The following ERBB4 variants were observed in gnomAD, a reference collection of about 807,000 sequenced individuals.
ERBB4 encodes receptor tyrosine-protein kinase erbB-4.
A neutral mutation model predicts 158.0 loss-of-function variants in ERBB4; 42 were observed. The ratio of observed to expected loss-of-function variants is 0.27; its 90% CI spans 0.21 to 0.34. The LOEUF (loss-of-function observed/expected upper bound fraction) is 0.34. ERBB4 is among the 10% of genes least tolerant of loss of function. The pLI, the probability that ERBB4 is intolerant of heterozygous loss-of-function variation, is 1.00. For missense variants in ERBB4, 1,333 were observed against 1,624.1 expected, an observed-to-expected ratio of 0.82 and a Z score of 3.08; for synonymous variants, 583 against 558.7, an observed-to-expected ratio of 1.04 and a Z score of -0.61.
chr2:211,415,195 C>T (rs1339541356), intron 25 of ERBB4, among the ~76,000 whole-genome samples: 1 of 138,920 alleles, frequency 7.2e-6, no homozygotes, highest in Non-Finnish European at 1.5e-5. Context: ...CGGCTCACTG[C>T]AAGCTCCGCC....
chr2:211,514,530 A>T (rs1191500568), intron 20 of ERBB4, among the ~76,000 whole-genome samples: 1 of 152,208 alleles, frequency 6.6e-6, no homozygotes, highest in Non-Finnish European at 1.5e-5. Context: ...AATCTTCACT[A>T]CTTGGAGGCT....
intron 2 of ERBB4, among the ~76,000 whole-genome samples, chr2:211,978,652 G>C (rs1050031327): frequency 6.6e-6 from 1 of 152,026 alleles, no homozygotes; most frequent in South Asian, 2.1e-4. Context: ...ACTTTATATG[G>C]TTAAGAAACA....
rs111997128 is a variant in ERBB4, at chr2:211,446,892, T to C, written c.2488-15792A>G. Among the ~76,000 whole-genome samples the C allele has an allele frequency of 4.6e-5, 7 of 152,272 alleles. 1 individual carries two copies. Among genetic ancestry groups the C allele is most frequent in the African/African-American group, 1.7e-4 (7 of 41,572 alleles). The stretch of plus-strand genomic sequence containing the variant: ...TAAATGATCCATGTCTCCTACTGGA[T>C]TTAATTTTTATCTATCATATATTTT... On this transcript the variant is annotated intron_variant, in intron 20 of 27. Transcript: ENST00000342788.
At chr2:211,794,469 A>G (rs192711150) in intron 3 of ERBB4, among the ~76,000 whole-genome samples, 1 of 152,098 alleles carries the variant, frequency 6.6e-6, no homozygotes, top group African/African-American at 2.4e-5. Context: ...CTAGTGCCAA[A>G]GAAAGTGTCA....
intron 1 of ERBB4, among the ~76,000 whole-genome samples, chr2:212,378,961 C>A (rs2090416925): frequency 1.3e-5 from 2 of 151,748 alleles, no homozygotes; most frequent in South Asian, 4.2e-4. Flanking sequence ...TCGTATGGCA[C>A]CCAGTTGTTT....
At chr2:211,690,050 A>G (rs2105993457) in intron 12 of ERBB4, among the ~76,000 whole-genome samples, 1 of 148,472 alleles carries the variant, frequency 6.7e-6, no homozygotes, top group East Asian at 1.9e-4. Flanking sequence ...ATATATAAAT[A>G]TATATCAATG....
intron 3 of ERBB4, among the ~76,000 whole-genome samples, chr2:211,821,371 G>A (rs1359395056): frequency 1.3e-5 from 2 of 151,748 alleles, no homozygotes; most frequent in Non-Finnish European, 2.9e-5. Flanking sequence ...AAATTGAAGA[G>A]GATACAAACA....
In ERBB4 at chr2:212,299,521, T is replaced by C. The variant is rs913729303; in HGVS notation, c.83-174618A>G. On this transcript the variant is annotated intron_variant, in intron 1 of 27. Transcript: ENST00000342788. ...TCCACGAATATTTGAGTGTCGACCA[T>C]GTAAAAGGAACTGTCCTAGGTGCTG... is the stretch of plus-strand genomic sequence containing the variant. Among the ~76,000 whole-genome samples, 7 of 151,668 alleles carry C rather than the reference T, an allele frequency of 4.6e-5. 1 individual carries two copies. Among genetic ancestry groups the C allele is most frequent in the Admixed American group, 6.6e-5 (1 of 15,176 alleles).
intron 17 of ERBB4, among the ~76,000 whole-genome samples, chr2:211,626,091 T>C (rs1057345625): frequency 2.0e-5 from 3 of 152,174 alleles, no homozygotes; most frequent in African/African-American, 7.2e-5. Context: ...ATTTCTTATC[T>C]GTGAAGTAGG....
Position 211,912,694 on chromosome 2 carries a change from C to A in ERBB4, c.421+34736G>T, listed in dbSNP as rs181652838. On this transcript the variant is annotated intron_variant, in intron 3 of 27. Transcript: ENST00000342788. ...TTTGAAATGGCTGCTACAGGGACAA[C>A]AGACTGAGGTGGCTCTGCAAAGCCA... Among the ~76,000 whole-genome samples, 8 of 152,258 alleles carry A rather than the reference C, an allele frequency of 5.3e-5. No individual in the cohort carries two copies. In the East Asian group the frequency reaches 1.5e-3, roughly 29 times the overall value.
intron 14 of ERBB4, among the ~76,000 whole-genome samples, chr2:211,666,121 A>T (rs1407286312): frequency 6.6e-6 from 1 of 152,194 alleles, no homozygotes; most frequent in Non-Finnish European, 1.5e-5. Flanking sequence ...CGTTTAGGTG[A>T]ATAAAAATAA....
Position 212,064,916 on chromosome 2 carries a change from T to C in ERBB4, c.234+59836A>G, listed in dbSNP as rs562906916. On this transcript the variant is annotated intron_variant, in intron 2 of 27. Transcript: ENST00000342788. ...TGTTAACAGTTTAGAGAAACAAACA[T>C]TGTGATTGACTGAAGTTTCTAATTA... Among the ~76,000 whole-genome samples the C allele has an allele frequency of 2.6e-5, 4 of 152,038 alleles. No homozygotes were observed. In the South Asian group the frequency reaches 8.3e-4, roughly 32 times the overall value.
chr2:211,659,640 T>A (rs938320358), intron 15 of ERBB4, among the ~76,000 whole-genome samples: 3 of 152,098 alleles, frequency 2.0e-5, no homozygotes, highest in Non-Finnish European at 4.4e-5. Context: ...TTAAAAAAAA[T>A]TCAAAACTAA....
Position 211,376,123 on chromosome 2 carries a change from A to G in ERBB4, c.*7492T>C. 1 of 233,140 alleles carries G rather than the reference A, an allele frequency of 4.3e-6. No individual in the cohort carries two copies. Among genetic ancestry groups the G allele is most frequent in the Non-Finnish European group, 8.5e-6 (1 of 117,742 alleles). The allele number at this position is 233,140 out of a possible 1,614,324, so 14.4% of individuals were successfully genotyped here. On this transcript the variant is annotated 3_prime_UTR_variant, in exon 28 of 28. Coordinates refer to ENST00000342788, the MANE Select transcript of ERBB4 (RefSeq NM_005235.3). ...ATGATCCTTCATCAATAACATGGAAAAAAATCAAAATAACATTACACCACA... is the reference window on the plus strand; with the variant it reads ...ATGATCCTTCATCAATAACATGGAAGAAAATCAAAATAACATTACACCACA...
At chr2:211,980,516 G>A (rs1245146817) in intron 2 of ERBB4, among the ~76,000 whole-genome samples, 1 of 152,020 alleles carries the variant, frequency 6.6e-6, no homozygotes, top group African/African-American at 2.4e-5. Context: ...CTGTTCTAAA[G>A]GCTGTTTGTT....
chr2:212,510,091 C>A (rs1192724826), intron 1 of ERBB4, among the ~76,000 whole-genome samples: 1 of 150,088 alleles, frequency 6.7e-6, no homozygotes. Flanking sequence ...TAGTTACATA[C>A]AGAACGTTTA....
rs571088510 is a variant in ERBB4 at position 211,655,335 on chromosome 2, T to C, written c.1946+2419A>G. On this transcript the variant is annotated intron_variant, in intron 16 of 27. Transcript: ENST00000342788. Reference sequence around the variant, plus strand: ...TCTCACCCTCAAGGTTTGAGAATTTTTGATGTACAGAAAGATAATAAATAA... The same window carrying C: ...TCTCACCCTCAAGGTTTGAGAATTTCTGATGTACAGAAAGATAATAAATAA... Among the ~76,000 whole-genome samples, 22 of 152,294 alleles carry C rather than the reference T, an allele frequency of 1.4e-4. No homozygotes were observed. The South Asian group carries it at 4.4e-3, about 30-fold the overall frequency.
chr2:211,490,450 G>T (rs149209143), intron 20 of ERBB4, among the ~76,000 whole-genome samples: 74 of 151,970 alleles, frequency 4.9e-4, no homozygotes, highest in Non-Finnish European at 9.4e-4. Flanking sequence ...AGCATTCAAC[G>T]TATTTCACTA....
intron 1 of ERBB4, among the ~76,000 whole-genome samples, chr2:212,248,973 A>G (rs2084416029): frequency 6.6e-6 from 1 of 152,108 alleles, no homozygotes; most frequent in Non-Finnish European, 1.5e-5. Flanking sequence ...TGGACTATGC[A>G]TATAATTTTG....
Sources: gnomAD v4.1 joint callset for allele counts (sites outside exome capture counted in the v4.1 genomes callset) on GRCh38, gnomAD v4.1.1 for gene constraint, MANE v1.5 for transcripts, NCBI Gene and HGNC (gene_info 2026-07-23, HGNC 2026-07-21) for gene names.